The following GDAP1L1 variants were observed in gnomAD, a reference collection of about 807,000 sequenced individuals.
GDAP1L1 encodes ganglioside-induced differentiation-associated protein 1-like 1.
In GDAP1L1, 21 loss-of-function variants were observed where a neutral mutation model predicts 37.1. That is an observed-to-expected ratio of 0.57 (90% CI 0.40 to 0.81). The LOEUF (loss-of-function observed/expected upper bound fraction) is 0.81, where lower values mean the gene tolerates loss of function less well. GDAP1L1 is among the 40% of genes least tolerant of loss of function. The pLI, the probability that GDAP1L1 is intolerant of heterozygous loss-of-function variation, is 0.00. For synonymous variants in GDAP1L1, 193 were observed against 209.1 expected, an observed-to-expected ratio of 0.92 and a Z score of 0.67; for missense variants, 362 against 491.6, an observed-to-expected ratio of 0.74 and a Z score of 2.49.
intron 5 of GDAP1L1, among the ~76,000 whole-genome samples, chr20:44,276,415 A>AGAAAGAAAGAAAGAAAGAAAGAAG (rs1568659490): frequency 2.5e-5 from 3 of 121,612 alleles, no homozygotes; most frequent in Non-Finnish European, 5.2e-5. Flanking sequence ...AAAAAGAAAA[A>AGAAAGAAAGAAAGAAAGAAAGAAG]GAAAGAAAGA....
At chr20:44,257,533 A>G (rs2073582457) in intron 2 of GDAP1L1, among the ~76,000 whole-genome samples, 188 bp downstream of exon 2, 1 of 152,068 alleles carries the variant, frequency 6.6e-6, no homozygotes, top group Non-Finnish European at 1.5e-5. Flanking sequence ...AGAGCCCCAG[A>G]GCCACAGGCA....
chr20:44,263,474 A>G, intron 4 of GDAP1L1, 147 bp downstream of exon 4: 1 of 656,042 alleles, frequency 1.5e-6, no homozygotes. Context: ...CCTGCCATTT[A>G]CTAGCTGTTA....
At chr20:44,247,930 CCT>C (rs1481949636) in intron 1 of GDAP1L1, among the ~76,000 whole-genome samples, 5 of 152,006 alleles carry the variant, frequency 3.3e-5, no homozygotes, top group Non-Finnish European at 7.4e-5. Flanking sequence ...TCGGTAGCCC[CCT>C]CTCAGTCGCT....
At chr20:44,265,798 G>A (rs57395852) in intron 5 of GDAP1L1, among the ~76,000 whole-genome samples, 2,131 of 152,176 alleles carry the variant, frequency 0.014, 49 homozygotes, top group African/African-American at 0.049. Context: ...AGTTGCTCAA[G>A]GTCAGGCAGC....
intron 4 of GDAP1L1, among the ~76,000 whole-genome samples, chr20:44,263,553 C>T (rs2146023402): frequency 6.6e-6 from 1 of 152,308 alleles, no homozygotes; most frequent in East Asian, 1.9e-4. Flanking sequence ...TCTTTAAAAG[C>T]AGAGCATTGG....
chr20:44,270,066 C>T (rs1007592134), intron 5 of GDAP1L1, among the ~76,000 whole-genome samples: 7 of 151,728 alleles, frequency 4.6e-5, no homozygotes, highest in South Asian at 2.1e-4. Context: ...ATGTTTTCAT[C>T]GAGGAAGAGA....
intron 5 of GDAP1L1, among the ~76,000 whole-genome samples, chr20:44,278,109 G>A (rs2062603016): frequency 6.8e-6 from 1 of 146,898 alleles, no homozygotes; most frequent in Non-Finnish European, 1.5e-5. Flanking sequence ...AGCTTAGATT[G>A]TGCCACTGCA....
rs2146075221 is a variant in GDAP1L1, at chr20:44,280,695, A to T, written c.*1395A>T. ...ATAATCCCAGTGCTTTGGGAGGCCA[A>T]GGCGGGAGAATTGCTCCAGGCCAGG... On this transcript the variant is annotated 3_prime_UTR_variant, in exon 6 of 6. Transcript: ENST00000342560. The T allele has an allele frequency of 6.6e-6, 1 of 152,436 alleles. No homozygotes were observed. The highest frequency in any genetic ancestry group is 6.5e-5 in the Admixed American group (1 of 15,306). The allele number at this position is 152,436 out of a possible 1,614,324, so 9.4% of individuals were successfully genotyped here. A position where few individuals can be genotyped will look rare whatever the true frequency, so the allele number is the denominator to read the frequency against.
chr20:44,275,412 C>A (rs1007384218), intron 5 of GDAP1L1, among the ~76,000 whole-genome samples: 1 of 152,042 alleles, frequency 6.6e-6, no homozygotes, highest in Admixed American at 6.6e-5. Flanking sequence ...CAGGTTTTGA[C>A]GGTAGGGAGC....
At position 44,257,195 on chromosome 20, in the gene GDAP1L1, C is replaced by T. The variant is rs780744062; in HGVS notation, c.223C>T (p.Arg75Trp). The T allele has an allele frequency of 9.6e-5, 154 of 1,607,292 alleles. No individual in the cohort carries two copies. The highest frequency in any genetic ancestry group is 1.9e-4 in the Admixed American group (11 of 59,304). ...IAEKGLVCEE[R>W]DVSLPQSEHK... ...CGAGAAGGGCCTGGTGTGCGAGGAG[C>T]GGGACGTGAGCCTGCCACAGAGCGA... Residue 75 changes from arginine (R) to tryptophan (W), a missense_variant, in exon 2 of 6, where the codon CGG becomes TGG. Physicochemically the swap from Arg to Trp is moderately radical, Grantham distance 101 (BLOSUM62 -3). Around this residue, in one of 2 missense-constraint regions of GDAP1L1, gnomAD observed 277 missense variants for 337.1 expected, o/e 0.82. Coordinates refer to ENST00000342560, the MANE Select transcript of GDAP1L1 (RefSeq NM_024034.6).
chr20:44,272,027 A>G (rs554417991), intron 5 of GDAP1L1, among the ~76,000 whole-genome samples: 30 of 152,210 alleles, frequency 2.0e-4, no homozygotes, highest in Admixed American at 7.2e-4. Flanking sequence ...AGCTGAGGGA[A>G]GTCAGTCCAA....
intron 3 of GDAP1L1, among the ~76,000 whole-genome samples, chr20:44,261,045 G>A (rs62205977): frequency 6.6e-6 from 1 of 152,156 alleles, no homozygotes; most frequent in Admixed American, 6.5e-5. Flanking sequence ...GCCATTTGAA[G>A]GTGCCTAGAA....
intron 5 of GDAP1L1, among the ~76,000 whole-genome samples, chr20:44,268,989 T>C (rs548423358): frequency 1.1e-3 from 167 of 152,302 alleles, no homozygotes; most frequent in African/African-American, 3.8e-3. Context: ...TATTTGTTCA[T>C]GATATGTGGC....
intron 1 of GDAP1L1, among the ~76,000 whole-genome samples, chr20:44,249,320 G>A (rs1022864554): frequency 6.6e-6 from 1 of 152,176 alleles, no homozygotes; most frequent in Non-Finnish European, 1.5e-5. Context: ...TTACAGGTGT[G>A]AGCCACCAGG....
chr20:44,265,505 G>T (rs1333716045), intron 5 of GDAP1L1: 1 of 982,868 alleles, frequency 1.0e-6, no homozygotes, highest in Non-Finnish European at 1.2e-6. Flanking sequence ...AGAGCCCAGG[G>T]TCTAAACAGA....
intron 5 of GDAP1L1, among the ~76,000 whole-genome samples, chr20:44,268,005 A>G (rs139797951): frequency 1.3e-5 from 2 of 152,276 alleles, no homozygotes; most frequent in African/African-American, 4.8e-5. Flanking sequence ...GCCCCAGGGA[A>G]GTGGTTATGG....
chr20:44,264,308 G>C (rs560662195), intron 4 of GDAP1L1, 137 bp from the exon 5 acceptor site: 10 of 1,205,232 alleles, frequency 8.3e-6, no homozygotes, highest in African/African-American at 1.6e-5. Context: ...GCTTCATAAC[G>C]GGGGGGCATC....
At chr20:44,271,956 G>C (rs2062520589) in intron 5 of GDAP1L1, among the ~76,000 whole-genome samples, 1 of 152,222 alleles carries the variant, frequency 6.6e-6, no homozygotes, top group Non-Finnish European at 1.5e-5. Context: ...AGGGTCATGA[G>C]AGCAGATTCA....
At chr20:44,262,244 G>C (rs75752748) in intron 3 of GDAP1L1, among the ~76,000 whole-genome samples, 1 of 152,084 alleles carries the variant, frequency 6.6e-6, no homozygotes, top group African/African-American at 2.4e-5. Flanking sequence ...AAACCATCTA[G>C]GTGAGACATT....
Sources: gnomAD v4.1 joint callset for allele counts (sites outside exome capture counted in the v4.1 genomes callset) on GRCh38, gnomAD v4.1.1 for gene constraint, gnomAD v4.1.1 regional missense constraint, MANE v1.5 for transcripts, NCBI Gene and HGNC (gene_info 2026-07-23, HGNC 2026-07-21) for gene names.